The following GPC5 variants were observed in gnomAD, a reference collection of about 807,000 sequenced individuals.
GPC5 encodes glypican-5.
In GPC5, 47 loss-of-function variants were observed where a neutral mutation model predicts 53.9. That is an observed-to-expected ratio of 0.87 (90% CI 0.69 to 1.11). The LOEUF (loss-of-function observed/expected upper bound fraction) is 1.11, where lower values mean the gene tolerates loss of function less well. Among genes scored for constraint, GPC5 ranks in the 50% most tolerant of loss-of-function variants. The pLI is 0.00. For synonymous variants in GPC5, 286 were observed against 263.3 expected, an observed-to-expected ratio of 1.09 and a Z score of -0.84; for missense variants, 748 against 713.1, an observed-to-expected ratio of 1.05 and a Z score of -0.56.
At chr13:92,395,529 G>A (rs942058099) in intron 7 of GPC5, among the ~76,000 whole-genome samples, 10 of 152,142 alleles carry the variant, frequency 6.6e-5, no homozygotes, top group African/African-American at 2.2e-4. Context: ...TAGAGAACAT[G>A]TTGTCAAACC....
intron 6 of GPC5, among the ~76,000 whole-genome samples, chr13:92,131,293 T>A (rs114675509): frequency 6.6e-6 from 1 of 152,130 alleles, no homozygotes; most frequent in African/African-American, 2.4e-5. Flanking sequence ...TAAAGTTAAA[T>A]GTATATGTAC....
At chr13:92,425,114 C>T (rs970072389) in intron 7 of GPC5, among the ~76,000 whole-genome samples, 6 of 151,930 alleles carry the variant, frequency 3.9e-5, no homozygotes, top group Admixed American at 2.6e-4. Flanking sequence ...CTGCCCTTCC[C>T]GTGATGCCCA....
intron 5 of GPC5, among the ~76,000 whole-genome samples, chr13:91,786,945 CTTT>C (rs34996570): frequency 7.0e-6 from 1 of 142,798 alleles, no homozygotes. Flanking sequence ...AAGTGTTTCT[CTTT>C]TTTTTTTTTT....
At chr13:91,817,894 A>G (rs1026682449) in intron 5 of GPC5, among the ~76,000 whole-genome samples, 11 of 152,012 alleles carry the variant, frequency 7.2e-5, no homozygotes, top group African/African-American at 2.7e-4. Flanking sequence ...TAAACTGTTC[A>G]TGTATTTTTT....
At chr13:91,694,854 A>G (rs1198004545) in intron 3 of GPC5, among the ~76,000 whole-genome samples, 1 of 152,146 alleles carries the variant, frequency 6.6e-6, no homozygotes, top group Non-Finnish European at 1.5e-5. Context: ...GGTGATCCAC[A>G]GGCCTCAGCT....
chr13:92,136,746 A>G (rs1426330480), intron 6 of GPC5, among the ~76,000 whole-genome samples: 1 of 152,218 alleles, frequency 6.6e-6, no homozygotes, highest in East Asian at 1.9e-4. Context: ...CACCACTAAC[A>G]GGTTGTATGT....
chr13:92,425,789 C>T (rs1405885300), intron 7 of GPC5, among the ~76,000 whole-genome samples: 2 of 152,074 alleles, frequency 1.3e-5, no homozygotes, highest in African/African-American at 4.8e-5. Flanking sequence ...CACTGCTTCT[C>T]CCTTCAAAAT....
intron 7 of GPC5, among the ~76,000 whole-genome samples, chr13:92,336,367 A>G (rs1168938271): frequency 6.6e-6 from 1 of 152,222 alleles, no homozygotes; most frequent in Non-Finnish European, 1.5e-5. Flanking sequence ...ATGCTAAATG[A>G]ACACACACAT....
intron 7 of GPC5, among the ~76,000 whole-genome samples, chr13:92,297,403 T>C (rs4509882): frequency 2.3e-5 from 3 of 129,114 alleles, no homozygotes; most frequent in African/African-American, 6.1e-5. Flanking sequence ...ACACTCTGTA[T>C]CCAGCTGCTC....
At chr13:92,001,788 A>G (rs9560896) in intron 6 of GPC5, among the ~76,000 whole-genome samples, 60,288 of 152,046 alleles carry the variant, frequency 0.4, 12,633 homozygotes, top group Admixed American at 0.49. Context: ...TCTTATTGCA[A>G]TAAAGAGCAC....
chr13:91,929,028 C>CCT (rs2039796004), intron 6 of GPC5, among the ~76,000 whole-genome samples: 1 of 152,034 alleles, frequency 6.6e-6, no homozygotes, highest in African/African-American at 2.4e-5. Context: ...ACAGTGAAGT[C>CCT]CAGAGTAGGT....
At chr13:91,407,082 G>T (rs1877379486) in intron 1 of GPC5, among the ~76,000 whole-genome samples, 1 of 152,128 alleles carries the variant, frequency 6.6e-6, no homozygotes, top group Non-Finnish European at 1.5e-5. Flanking sequence ...GTGATTTGTA[G>T]AATTGAATCT....
intron 5 of GPC5, among the ~76,000 whole-genome samples, chr13:91,882,341 A>T (rs2138951775): frequency 6.6e-6 from 1 of 152,248 alleles, no homozygotes; most frequent in Non-Finnish European, 1.5e-5. Context: ...CTTATACATT[A>T]TAATGCTCAA....
At chr13:92,820,751 T>A (rs1336564673) in intron 7 of GPC5, among the ~76,000 whole-genome samples, 1 of 152,190 alleles carries the variant, frequency 6.6e-6, no homozygotes, top group African/African-American at 2.4e-5. Context: ...TTCCTCTTTT[T>A]CAATTCTCAG....
At chr13:92,286,452 A>T (rs1045219860) in intron 7 of GPC5, among the ~76,000 whole-genome samples, 2 of 152,166 alleles carry the variant, frequency 1.3e-5, no homozygotes, top group African/African-American at 4.8e-5. Context: ...TTATTTCGGC[A>T]CTATTCACAA....
At chr13:92,339,307 G>C (rs2139245979) in intron 7 of GPC5, among the ~76,000 whole-genome samples, 1 of 151,974 alleles carries the variant, frequency 6.6e-6, no homozygotes, top group South Asian at 2.1e-4. Flanking sequence ...ATTATGTCGT[G>C]ATGTGTTAAT....
chr13:92,079,364 T>C (rs1217827983), intron 6 of GPC5, among the ~76,000 whole-genome samples: 2 of 152,248 alleles, frequency 1.3e-5, no homozygotes, highest in Admixed American at 6.5e-5. Flanking sequence ...TCTCACTTCT[T>C]GAGTCAGATC....
At chr13:92,066,954 C>T (rs1255958358) in intron 6 of GPC5, among the ~76,000 whole-genome samples, 1 of 151,960 alleles carries the variant, frequency 6.6e-6, no homozygotes, top group Non-Finnish European at 1.5e-5. Context: ...CTGACATTTA[C>T]AAACACTGAG....
chr13:91,416,920 G>C (rs1394052845), intron 1 of GPC5, among the ~76,000 whole-genome samples: 4 of 152,198 alleles, frequency 2.6e-5, no homozygotes, highest in African/African-American at 9.7e-5. Context: ...GAGAAAACCA[G>C]TTTATTTTCG....
Sources: gnomAD v4.1 joint callset for allele counts (sites outside exome capture counted in the v4.1 genomes callset) on GRCh38, gnomAD v4.1.1 for gene constraint, MANE v1.5 for transcripts, NCBI Gene and HGNC (gene_info 2026-07-23, HGNC 2026-07-21) for gene names.